CREG1: variants seen among roughly 807,000 people sequenced by gnomAD.
CREG1 encodes the protein protein CREG1.
Under a neutral mutation model 19.9 loss-of-function variants are expected in CREG1, and 20 were observed. That is an observed-to-expected ratio of 1.01 (90% confidence interval 0.71 to 1.46). CREG1 has a LOEUF of 1.46. Among genes scored for constraint, CREG1 ranks in the 40% most tolerant of loss-of-function variants. CREG1 has a pLI of 0.00. For missense variants in CREG1, 290 were observed against 314.9 expected, an observed-to-expected ratio of 0.92 and a Z score of 0.60; for synonymous variants, 141 against 143.3, an observed-to-expected ratio of 0.98 and a Z score of 0.12.
In CREG1 at chr1:167,553,658, G is replaced by C. The variant is rs1004081633; in HGVS notation, c.84C>G (p.Pro28=). 7.5e-7 allele frequency: 1 copy of C among 1,338,078 alleles called. No homozygotes were observed. The highest frequency in any genetic ancestry group is 1.5e-5 in the African/African-American group (1 of 65,064). 82.9% of individuals were successfully genotyped at this position (1,338,078 alleles called of 1,614,324 possible). The part of the protein sequence containing the change: ...ASTLLALLVS[P]ARGRGGRDHG... ...GGTCCCGGCCGCCGCGACCCCGCGC[G>C]GGCGACACGAGCAGCGCCAACAGCG... Residue 28 remains proline, a synonymous_variant, in exon 1 of 4, where the codon CCC becomes CCG. Transcript: ENST00000370509.
chr1:167,544,974 A>C (rs1422776593), intron 3 of CREG1, among the ~76,000 whole-genome samples: 1 of 152,088 alleles, frequency 6.6e-6, no homozygotes, highest in Non-Finnish European at 1.5e-5. Flanking sequence ...AGCTAACTCC[A>C]AAGACTCCAG....
chr1:167,542,264 T>G lies in CREG1; in HGVS notation c.*34A>C, dbSNP rs751298179. On this transcript the variant is annotated 3_prime_UTR_variant, in exon 4 of 4. Coordinates refer to ENST00000370509, the MANE Select transcript of CREG1 (RefSeq NM_003851.3). ...GTGTGTATGAGCCACTTTAAGAAAC[T>G]TCATAAGTGTTGCTAAATTCACCAC... 6.3e-7 allele frequency: 1 copy of G among 1,592,094 alleles called. No homozygotes were observed. The highest frequency in any genetic ancestry group is 1.2e-5 in the South Asian group (1 of 86,670).
chr1:167,551,715 G>T (rs1328487475), intron 1 of CREG1, among the ~76,000 whole-genome samples: 1 of 152,202 alleles, frequency 6.6e-6, no homozygotes, highest in East Asian at 1.9e-4. Flanking sequence ...AAAATAAAAT[G>T]TGCTTTCAAT....
chr1:167,542,277 C>A lies in CREG1; in HGVS notation c.*21G>T, dbSNP rs1242155386. On this transcript the variant is annotated 3_prime_UTR_variant, in exon 4 of 4. Coordinates refer to ENST00000370509, the MANE Select transcript of CREG1 (RefSeq NM_003851.3). Reference sequence around the variant, plus strand: ...ACTTTAAGAAACTTCATAAGTGTTGCTAAATTCACCACAGTCTGCTTCACC... The same window carrying A: ...ACTTTAAGAAACTTCATAAGTGTTGATAAATTCACCACAGTCTGCTTCACC... 6.3e-7 allele frequency: 1 copy of A among 1,598,156 alleles called. No individual in the cohort carries two copies. Among genetic ancestry groups the A allele is most frequent in the Non-Finnish European group, 8.5e-7 (1 of 1,173,796 alleles).
rs377218548 is a variant in CREG1 at position 167,542,301 on chromosome 1, C to A, written c.660G>T (p.Gln220His). 1.2e-6 allele frequency: 2 copies of A among 1,602,862 alleles called. No homozygotes were observed. Among genetic ancestry groups the A allele is most frequent in the Non-Finnish European group, 1.7e-6 (2 of 1,175,670 alleles). The change falls in exon 4 of 4, where the codon CAG (glutamine) becomes CAT (histidine). Residue 220 changes from glutamine (Q) to histidine (H), a missense_variant and splice_region_variant. Coordinates refer to ENST00000370509, the MANE Select transcript of CREG1 (RefSeq NM_003851.3). ...GCTAAATTCACCACAGTCTGCTTCA[C>A]CTAGAAAGGGGAACAGAGAAGAATT... The part of the protein sequence containing the change: ...TPEEYYNVTV[Q>H]
chr1:167,547,902 C>G lies in CREG1; in HGVS notation c.474+100G>C, dbSNP rs1416236638. ...CACCACTGCACTCCAGCCTGGGAGA[C>G]AGAGTGAGACTCTGTCTCAAAAGAA... On this transcript the variant is annotated intron_variant, in intron 2 of 3. Coordinates refer to ENST00000370509, the MANE Select transcript of CREG1 (RefSeq NM_003851.3). 6 of 1,348,056 alleles carry G rather than the reference C, an allele frequency of 4.5e-6. No homozygotes were observed. In the Middle Eastern group the frequency reaches 7.6e-4, roughly 170 times the overall value. 83.5% of individuals were successfully genotyped at this position (1,348,056 alleles called of 1,614,324 possible).
At chr1:167,547,232 G>A (rs772745055) in intron 2 of CREG1, among the ~76,000 whole-genome samples, 76 of 152,204 alleles carry the variant, frequency 5.0e-4, no homozygotes, top group Non-Finnish European at 8.1e-4. Flanking sequence ...CCCTTCAGCA[G>A]GTGATCCAAA....
intron 3 of CREG1, among the ~76,000 whole-genome samples, chr1:167,543,442 G>A (rs1656263732): frequency 6.6e-6 from 1 of 152,212 alleles, no homozygotes; most frequent in Non-Finnish European, 1.5e-5. Flanking sequence ...GATTTCAGAT[G>A]CAGAGGGCTT....
At chr1:167,548,278 C>G (rs1656363857) in intron 1 of CREG1, among the ~76,000 whole-genome samples, 157 bp from the exon 2 acceptor site, 1 of 152,208 alleles carries the variant, frequency 6.6e-6, no homozygotes, top group Non-Finnish European at 1.5e-5. Context: ...GAAAATAATA[C>G]TTGGAAAGTA....
rs1052064620 is a variant in CREG1, at chr1:167,541,161, T to C, written c.*1137A>G. ...CAGTTTTCAGACACAATGACTCATA[T>C]TCAACTTTTCTCTTTAAGGATTCAG... On this transcript the variant is annotated 3_prime_UTR_variant, in exon 4 of 4. Transcript: ENST00000370509. 7.2e-5 allele frequency: 11 copies of C among 152,260 alleles called. No homozygotes were observed. Among genetic ancestry groups the C allele is most frequent in the African/African-American group, 2.4e-4 (10 of 41,472 alleles). The allele number at this position is 152,260 out of a possible 1,614,324, so 9.4% of individuals were successfully genotyped here. A position where few individuals can be genotyped will look rare whatever the true frequency, so the allele number is the denominator to read the frequency against.
rs1196304703 is a variant in CREG1, at chr1:167,553,449, G to A, written c.293C>T (p.Ala98Val). 2 of 1,480,438 alleles carry A rather than the reference G, an allele frequency of 1.4e-6. No individual in the cohort carries two copies. Among genetic ancestry groups the A allele is most frequent in the Non-Finnish European group, 1.8e-6 (2 of 1,122,716 alleles). The allele number at this position is 1,480,438 out of a possible 1,614,324, so 91.7% of individuals were successfully genotyped here. ...VLSLSDGPPG[A>V]GSGVPYFYLS... The stretch of plus-strand genomic sequence containing the variant: ...GTAGAAATAGGGCACGCCGCTGCCC[G>A]CGCCCGGGGGCCCGTCGCTGAGCGA... The change falls in exon 1 of 4, where the codon GCG becomes GTG. Residue 98 changes from alanine to valine, a missense_variant. Transcript: ENST00000370509.
In CREG1 at chr1:167,551,939, C is replaced by T. The variant is rs533272683; in HGVS notation, c.354+1449G>A. Reference sequence around the variant, plus strand: ...TTTTTGCTCAAAGAGTGCAGGCCCACAGTGTCACTGGATCTTCCCATTTTT... The same window carrying T: ...TTTTTGCTCAAAGAGTGCAGGCCCATAGTGTCACTGGATCTTCCCATTTTT... On this transcript the variant is annotated intron_variant, in intron 1 of 3. Transcript: ENST00000370509. 4.6e-5 allele frequency among the ~76,000 whole-genome samples: 7 copies of T among 152,330 alleles called. No homozygotes were observed. In the South Asian group the frequency reaches 1.2e-3, roughly 27 times the overall value.
At chr1:167,543,287 A>G (rs1656256990) in intron 3 of CREG1, among the ~76,000 whole-genome samples, 1 of 152,086 alleles carries the variant, frequency 6.6e-6, no homozygotes, top group Non-Finnish European at 1.5e-5. Flanking sequence ...GGTGCCAGCA[A>G]ATGCTTCGTG....
At chr1:167,546,569 G>A (rs986729231) in intron 2 of CREG1, among the ~76,000 whole-genome samples, 1 of 152,088 alleles carries the variant, frequency 6.6e-6, no homozygotes, top group African/African-American at 2.4e-5. Flanking sequence ...ATGAACCCGG[G>A]AGGCGGAGCT....
At chr1:167,544,564 C>G (rs774406413) in intron 3 of CREG1, among the ~76,000 whole-genome samples, 14 of 152,170 alleles carry the variant, frequency 9.2e-5, no homozygotes, top group Non-Finnish European at 1.5e-4. Context: ...GCCTGGCCAG[C>G]TACCAGTGAG....
At chr1:167,545,037 C>G (rs895683100) in intron 3 of CREG1, among the ~76,000 whole-genome samples, 1 of 152,164 alleles carries the variant, frequency 6.6e-6, no homozygotes, top group Non-Finnish European at 1.5e-5. Context: ...GCTTTATTTT[C>G]TCCCATGGCC....
chr1:167,552,629 G>T (rs1432861823), intron 1 of CREG1, among the ~76,000 whole-genome samples: 1 of 152,356 alleles, frequency 6.6e-6, no homozygotes, highest in East Asian at 1.9e-4. Flanking sequence ...GATATTGTAC[G>T]TTAGCGTCTT....
chr1:167,543,928 AAC>A (rs1656271958), intron 3 of CREG1, among the ~76,000 whole-genome samples: 1 of 152,230 alleles, frequency 6.6e-6, no homozygotes, highest in Non-Finnish European at 1.5e-5. Flanking sequence ...CTTATGGGAA[AAC>A]AGTTTTATTT....
At chr1:167,548,240 A>T in intron 1 of CREG1, 119 bp from the exon 2 acceptor site, 1 of 654,978 alleles carries the variant, frequency 1.5e-6, no homozygotes, top group Admixed American at 2.6e-5. Flanking sequence ...GAAACAATGA[A>T]TCATAAAACA....
Sources: gnomAD v4.1 joint callset for allele counts (sites outside exome capture counted in the v4.1 genomes callset) on GRCh38, gnomAD v4.1.1 for gene constraint, MANE v1.5 for transcripts, NCBI Gene and HGNC (gene_info 2026-07-23, HGNC 2026-07-21) for gene names.